Variants in RBPJ observed in about 807,000 individuals in gnomAD.
RBPJ encodes the protein recombining binding protein suppressor of hairless.
Under a neutral mutation model 67.8 loss-of-function variants are expected in RBPJ, and 9 were observed. The observed-to-expected ratio is 0.13, with a 90% CI of 0.08 to 0.23. The LOEUF (loss-of-function observed/expected upper bound fraction) is 0.23, where lower values mean the gene tolerates loss of function less well. Among genes scored for constraint, RBPJ ranks in the 10% least tolerant of loss-of-function variants. The pLI is 1.00. For missense variants in RBPJ, 305 were observed against 595.6 expected, an observed-to-expected ratio of 0.51 and a Z score of 5.08; for synonymous variants, 198 against 203.3, an observed-to-expected ratio of 0.97 and a Z score of 0.22.
At chr4:26,120,714 CTTTTTTTTTT>C in the RBPJ span, among the ~76,000 whole-genome samples, 5 of 83,014 alleles carry the variant, frequency 6.0e-5, no homozygotes, top group African/African-American at 1.4e-4. Flanking sequence ...ATTTTCTCAA[CTTTTTTTTTT>C]TTTTTTTTTT....
At chr4:26,378,012 A>G (rs1038011890) in intron 1 of RBPJ, among the ~76,000 whole-genome samples, 20 of 152,036 alleles carry the variant, frequency 1.3e-4, no homozygotes, top group African/African-American at 4.6e-4. Flanking sequence ...GGAGATGAGA[A>G]ATGTAGACCT....
intron 1 of RBPJ, among the ~76,000 whole-genome samples, chr4:26,170,190 C>A (rs566935311): frequency 7.3e-4 from 111 of 152,102 alleles, no homozygotes; most frequent in Middle Eastern, 6.8e-3. Flanking sequence ...AACTGTAGAC[C>A]GGAGCTGTTC....
the RBPJ span, among the ~76,000 whole-genome samples, chr4:26,137,089 C>T: frequency 6.6e-6 from 1 of 152,146 alleles, no homozygotes; most frequent in African/African-American, 2.4e-5. Context: ...CCACTAGGTT[C>T]CCAGGTGTAA....
chr4:26,305,889 C>T (rs1316848660), intron 1 of RBPJ, among the ~76,000 whole-genome samples: 3 of 147,768 alleles, frequency 2.0e-5, no homozygotes, highest in Non-Finnish European at 3.0e-5. Context: ...AAGTGATTCA[C>T]CTGCCTCAGC....
At chr4:26,158,435 T>C in the RBPJ span, among the ~76,000 whole-genome samples, 1 of 152,206 alleles carries the variant, frequency 6.6e-6, no homozygotes, top group Non-Finnish European at 1.5e-5. Flanking sequence ...TAGCTAGAGT[T>C]GGTTTCTGTT....
At chr4:26,114,357 G>A in the RBPJ span, among the ~76,000 whole-genome samples, 3 of 151,498 alleles carry the variant, frequency 2.0e-5, no homozygotes, top group Non-Finnish European at 2.9e-5. Flanking sequence ...TACTCAAGAG[G>A]CTGAGGCAGG....
rs536303143 is a variant in RBPJ, at chr4:26,355,078, T to G, written c.21-31275T>G. ...GCCGTATTTTTTTGGTCTTGTTTTC[T>G]CTTGTATAGGGTAGAGGGCAGTGGT... On this transcript the variant is annotated intron_variant, in intron 1 of 10. Coordinates refer to ENST00000355476, the MANE Select transcript of RBPJ (RefSeq NM_015874.6). Among the ~76,000 whole-genome samples the G allele has an allele frequency of 4.6e-5, 7 of 152,268 alleles. No individual in the cohort carries two copies. The East Asian group carries it at 1.4e-3, about 29-fold the overall frequency.
chr4:26,130,149 C>T, the RBPJ span, among the ~76,000 whole-genome samples: 1 of 152,182 alleles, frequency 6.6e-6, no homozygotes, highest in Non-Finnish European at 1.5e-5. Context: ...GCATGAGCCA[C>T]CATGCCCAGC....
the RBPJ span, among the ~76,000 whole-genome samples, chr4:26,122,024 A>C: frequency 4.6e-5 from 7 of 152,212 alleles, no homozygotes; most frequent in Non-Finnish European, 7.4e-5. Context: ...TCTCCTATGC[A>C]CATGATCGGT....
the RBPJ span, among the ~76,000 whole-genome samples, chr4:26,143,028 T>C: frequency 6.6e-6 from 1 of 152,200 alleles, no homozygotes; most frequent in Admixed American, 6.5e-5. Flanking sequence ...GTGATCCACC[T>C]ACCTTGGCCT....
chr4:26,430,041 A>G lies in RBPJ; in HGVS notation c.1032A>G (p.Val344=). 1 of 1,614,106 alleles carries G rather than the reference A, an allele frequency of 6.2e-7. No homozygotes were observed. The highest frequency in any genetic ancestry group is 8.5e-7 in the Non-Finnish European group (1 of 1,179,962). ...VLAPVTPVPV[V]ESLQLNGGGD... is the part of the protein sequence containing the mutation. The stretch of plus-strand genomic sequence containing the variant: ...CCCCAGTCACTCCTGTGCCTGTGGT[A>G]GAGAGCCTTCAGGTGAGAACGCCTA... The change falls in exon 9 of 11, where the codon GTA becomes GTG. Residue 344 remains valine, a synonymous_variant. Coordinates refer to ENST00000355476, the MANE Select transcript of RBPJ (RefSeq NM_015874.6). This position sits in a 1 kb window ranked among gnomAD's most constrained non-coding sequence, Gnocchi z 4.1.
upstream of RBPJ, chr4:26,320,740 T>A (rs770211210): frequency 2.6e-6 from 4 of 1,551,586 alleles, no homozygotes; most frequent in East Asian, 7.3e-5. Flanking sequence ...AAAACCCGGA[T>A]AACCGGAGCG....
intron 2 of RBPJ, among the ~76,000 whole-genome samples, chr4:26,400,827 C>T (rs979824834): frequency 7.9e-5 from 12 of 152,188 alleles, no homozygotes; most frequent in Non-Finnish European, 2.9e-5. Context: ...GGTCTTTGAA[C>T]TGTGAACAGT....
chr4:26,362,516 C>A, intron 1 of RBPJ: 1 of 1,564,414 alleles, frequency 6.4e-7, no homozygotes, highest in Non-Finnish European at 8.6e-7. Context: ...GATCTCAAAA[C>A]GAAAGGAGAA....
At chr4:26,230,540 C>T (rs993206077) in intron 1 of RBPJ, among the ~76,000 whole-genome samples, 1 of 152,142 alleles carries the variant, frequency 6.6e-6, no homozygotes, top group Non-Finnish European at 1.5e-5. Flanking sequence ...TTTATGGACA[C>T]GTAGTGAATA....
intron 1 of RBPJ, among the ~76,000 whole-genome samples, chr4:26,282,522 T>TC (rs1358146923): frequency 3.4e-5 from 5 of 146,500 alleles, no homozygotes; most frequent in African/African-American, 1.4e-4. Flanking sequence ...CTTTTTTTTT[T>TC]CTTTTTGTTT....
In RBPJ at chr4:26,406,208, G is replaced by C; in HGVS notation, c.93G>C (p.Gly31=). Reference sequence around the variant, plus strand: ...TGCGAAATTATTTAAAAGAGCGAGGGGATCAAACAGTACTTATTCTTCATG... The same window carrying C: ...TGCGAAATTATTTAAAAGAGCGAGGCGATCAAACAGTACTTATTCTTCATG... ...EAMRNYLKER[G]DQTVLILHAK... The change falls in exon 3 of 11, where the codon GGG becomes GGC. Residue 31 remains glycine (G), a synonymous_variant. Coordinates refer to ENST00000355476, the MANE Select transcript of RBPJ (RefSeq NM_015874.6). 1 of 1,612,324 alleles carries C rather than the reference G, an allele frequency of 6.2e-7. No individual in the cohort carries two copies. The highest frequency in any genetic ancestry group is 1.1e-5 in the South Asian group (1 of 91,030).
chr4:26,420,109 T>A (rs1490457619), intron 4 of RBPJ, among the ~76,000 whole-genome samples: 1 of 152,204 alleles, frequency 6.6e-6, no homozygotes, highest in African/African-American at 2.4e-5. Flanking sequence ...TGCACTATTT[T>A]GAGAAGAACT....
chr4:26,370,908 G>A (rs962371673), intron 1 of RBPJ, among the ~76,000 whole-genome samples: 6 of 151,746 alleles, frequency 4.0e-5, no homozygotes, highest in Non-Finnish European at 5.9e-5. Context: ...GTTAAACCCC[G>A]TCTCCACTAA....
Sources: allele counts gnomAD v4.1 joint callset (sites outside exome capture counted in the v4.1 genomes callset), GRCh38; gene constraint gnomAD v4.1.1; non-coding constraint Gnocchi (gnomAD v3.1); transcripts MANE v1.5; gene names NCBI Gene and HGNC (gene_info 2026-07-23, HGNC 2026-07-21).